The following GABBR2 variants were observed in gnomAD, a reference collection of about 807,000 sequenced individuals.
GABBR2 encodes gamma-aminobutyric acid type B receptor subunit 2, also known as G-protein coupled receptor 51.
GABBR2 carries 23 observed loss-of-function variants against 105.6 expected under a neutral mutation model. The observed-to-expected ratio is 0.22, with a 90% confidence interval of 0.16 to 0.31. The LOEUF is 0.31. GABBR2 is among the 10% of genes least tolerant of loss of function. The pLI, the probability that GABBR2 is intolerant of heterozygous loss-of-function variation, is 1.00. For synonymous variants in GABBR2, 478 were observed against 499.7 expected, an observed-to-expected ratio of 0.96 and a Z score of 0.58; for missense variants, 734 against 1,245.5, an observed-to-expected ratio of 0.59 and a Z score of 6.18.
intron 7 of GABBR2, among the ~76,000 whole-genome samples, chr9:98,415,132 G>A (rs188838701): frequency 9.0e-4 from 137 of 152,176 alleles, no homozygotes; most frequent in African/African-American, 1.3e-3. Flanking sequence ...TCGCAATTAC[G>A]TAAAAATTAC....
At chr9:98,596,358 C>T (rs1468155984) in intron 1 of GABBR2, among the ~76,000 whole-genome samples, 1 of 152,234 alleles carries the variant, frequency 6.6e-6, no homozygotes, top group Non-Finnish European at 1.5e-5. Flanking sequence ...ACACTGAGTG[C>T]TCCTACCTGT....
intron 4 of GABBR2, among the ~76,000 whole-genome samples, chr9:98,484,492 A>G (rs771974034): frequency 6.6e-6 from 1 of 152,074 alleles, no homozygotes; most frequent in South Asian, 2.1e-4. Context: ...GGTGAGAAAG[A>G]GGGGGAAAGA....
chr9:98,527,320 G>C lies in GABBR2; in HGVS notation c.630+14553C>G, dbSNP rs138040433. 5.4e-3 allele frequency among the ~76,000 whole-genome samples: 818 copies of C among 151,922 alleles called. 9 individuals carry two copies. The highest frequency in any genetic ancestry group is 0.018 in the African/African-American group (763 of 41,454). On this transcript the variant is annotated intron_variant, in intron 3 of 18. Coordinates refer to ENST00000259455, the MANE Select transcript of GABBR2 (RefSeq NM_005458.8). ...GCTGAGTTGGAATTAGAACTCAGAC[G>C]GTCATTCTGCTATGACTGTCATTTA...
At chr9:98,537,031 C>T (rs1185025948) in intron 3 of GABBR2, among the ~76,000 whole-genome samples, 1 of 152,188 alleles carries the variant, frequency 6.6e-6, no homozygotes, top group Non-Finnish European at 1.5e-5. Flanking sequence ...GCTCCTGACT[C>T]TGAGCCAATT....
intron 13 of GABBR2, among the ~76,000 whole-genome samples, chr9:98,329,221 G>A (rs1268551728): frequency 6.6e-6 from 1 of 152,132 alleles, no homozygotes; most frequent in Non-Finnish European, 1.5e-5. Context: ...CAGTCACCAG[G>A]GTGTTTGTAG....
chr9:98,685,882 T>C (rs1830614773), intron 1 of GABBR2, among the ~76,000 whole-genome samples: 1 of 151,958 alleles, frequency 6.6e-6, no homozygotes, highest in South Asian at 2.1e-4. Context: ...AGAGATGAGC[T>C]CTCACTCTGT....
chr9:98,440,696 T>A (rs1355301165), intron 7 of GABBR2, among the ~76,000 whole-genome samples: 1 of 152,230 alleles, frequency 6.6e-6, no homozygotes, highest in African/African-American at 2.4e-5. Context: ...CTTCCAAGTG[T>A]CCTTCTCTCC....
chr9:98,504,360 G>A (rs1461651381), intron 3 of GABBR2, among the ~76,000 whole-genome samples: 2 of 152,194 alleles, frequency 1.3e-5, no homozygotes, highest in East Asian at 3.9e-4. Context: ...GGAGGCTGCA[G>A]AGAGCTCCAG....
At chr9:98,380,640 G>T (rs529613360) in intron 11 of GABBR2, among the ~76,000 whole-genome samples, 1 of 152,360 alleles carries the variant, frequency 6.6e-6, no homozygotes, top group East Asian at 1.9e-4. Flanking sequence ...ACAGCACGGG[G>T]TATAGCTGGA....
intron 1 of GABBR2, among the ~76,000 whole-genome samples, chr9:98,654,272 T>C (rs1328109748): frequency 1.3e-5 from 2 of 152,212 alleles, no homozygotes. Context: ...GTGCCTCAAC[T>C]TTGGGCCCCT....
chr9:98,501,963 C>T (rs1470338272), intron 3 of GABBR2, among the ~76,000 whole-genome samples: 2 of 152,140 alleles, frequency 1.3e-5, no homozygotes, highest in African/African-American at 4.8e-5. Context: ...CTGCCCACAA[C>T]CTCCCTCCCA....
intron 3 of GABBR2, among the ~76,000 whole-genome samples, chr9:98,514,190 T>G (rs1827711104): frequency 7.7e-6 from 1 of 130,164 alleles, no homozygotes. Flanking sequence ...CACTCATAGG[T>G]GGGAATTGAA....
intron 13 of GABBR2, among the ~76,000 whole-genome samples, chr9:98,330,113 C>T (rs1474417472): frequency 6.6e-6 from 1 of 152,124 alleles, no homozygotes; most frequent in Non-Finnish European, 1.5e-5. Context: ...AGTCCAAGCT[C>T]CCTCCAGCCC....
intron 2 of GABBR2, among the ~76,000 whole-genome samples, chr9:98,573,052 C>CAG (rs1189999497): frequency 6.6e-6 from 1 of 152,216 alleles, no homozygotes; most frequent in Non-Finnish European, 1.5e-5. Context: ...GCCCTACAGT[C>CAG]AGGGCCACAC....
chr9:98,668,916 TG>T (rs1830372719), intron 1 of GABBR2, among the ~76,000 whole-genome samples: 2 of 150,968 alleles, frequency 1.3e-5, no homozygotes, highest in Non-Finnish European at 3.0e-5. Context: ...TGTGTGTGTG[TG>T]TACACTAAAT....
At chr9:98,302,823 T>C (rs188406622) in intron 16 of GABBR2, 202 of 165,734 alleles carry the variant, frequency 1.2e-3, no homozygotes, top group African/African-American at 4.5e-3. Context: ...CTTGAAAAGT[T>C]TCTTTTCACT....
chr9:98,530,711 G>C (rs1828051366), intron 3 of GABBR2, among the ~76,000 whole-genome samples: 1 of 152,180 alleles, frequency 6.6e-6, no homozygotes, highest in African/African-American at 2.4e-5. Context: ...TTGAGCCCAG[G>C]AGTTTGAGGC....
chr9:98,579,546 A>T (rs1466673349), intron 1 of GABBR2, among the ~76,000 whole-genome samples: 1 of 152,158 alleles, frequency 6.6e-6, no homozygotes, highest in Non-Finnish European at 1.5e-5. Flanking sequence ...ACATCAATGA[A>T]TTCTTCTCAC....
At position 98,382,036 on chromosome 9, in the gene GABBR2, T is replaced by G. The variant is rs1831986364; in HGVS notation, c.1662+3604A>C. ...GTGAACAAGGCGAGATGTCAGGAAC[T>G]TCTTTCTGGGAAGGAGAGAGTTTCT... On this transcript the variant is annotated intron_variant, in intron 11 of 18. Coordinates refer to ENST00000259455, the MANE Select transcript of GABBR2 (RefSeq NM_005458.8). Among the ~76,000 whole-genome samples the G allele has an allele frequency of 3.3e-5, 5 of 152,172 alleles. No homozygotes were observed. In the South Asian group the frequency reaches 1.0e-3, roughly 32 times the overall value.
Sources: gnomAD v4.1 joint callset for allele counts (sites outside exome capture counted in the v4.1 genomes callset) on GRCh38, gnomAD v4.1.1 for gene constraint, MANE v1.5 for transcripts, NCBI Gene and HGNC (gene_info 2026-07-23, HGNC 2026-07-21) for gene names.